Variants in MMD2 observed in about 807,000 individuals in gnomAD.
MMD2 encodes monocyte to macrophage differentiation associated 2, also known as monocyte to macrophage differentiation factor 2.
In MMD2, 30 loss-of-function variants were observed where a neutral mutation model predicts 33.5. The observed-to-expected ratio is 0.90, with a 90% CI of 0.67 to 1.22. MMD2 has a LOEUF of 1.22. Among genes scored for constraint, MMD2 ranks in the 50% most tolerant of loss-of-function variants. The pLI is 0.00. For missense variants in MMD2, 364 were observed against 325.4 expected, an observed-to-expected ratio of 1.12 and a Z score of -0.91; for synonymous variants, 129 against 123.0, an observed-to-expected ratio of 1.05 and a Z score of -0.32.
intron 1 of MMD2, among the ~76,000 whole-genome samples, chr7:4,957,536 C>A (rs1462673725): frequency 6.6e-6 from 1 of 151,056 alleles, no homozygotes; most frequent in African/African-American, 2.4e-5. Context: ...GTAGTCCCAG[C>A]TACTCGGAAG....
At chr7:4,908,960 T>C (rs1309561725) in intron 6 of MMD2, among the ~76,000 whole-genome samples, 1 of 151,244 alleles carries the variant, frequency 6.6e-6, no homozygotes, top group African/African-American at 2.4e-5. Flanking sequence ...AAAAAGTTCT[T>C]GAGATGGATG....
intron 1 of MMD2, among the ~76,000 whole-genome samples, chr7:4,936,127 A>G (rs959728169): frequency 5.3e-5 from 8 of 150,062 alleles, no homozygotes; most frequent in Non-Finnish European, 8.9e-5. Flanking sequence ...AGAGGTTCCT[A>G]TGAGCTGAGA....
chr7:4,896,678 G>T, the MMD2 span, among the ~76,000 whole-genome samples: 20 of 152,024 alleles, frequency 1.3e-4, no homozygotes, highest in Non-Finnish European at 5.9e-5. Context: ...GATGACTATT[G>T]TTCGAAGCCA....
At chr7:4,936,077 C>T (rs866566283) in intron 1 of MMD2, among the ~76,000 whole-genome samples, 2 of 150,442 alleles carry the variant, frequency 1.3e-5, no homozygotes, top group African/African-American at 2.4e-5. Flanking sequence ...CTCAGCTACT[C>T]GGGAGGCTGA....
intron 2 of MMD2, among the ~76,000 whole-genome samples, chr7:4,921,133 G>A (rs1022323446): frequency 2.0e-5 from 3 of 152,072 alleles, no homozygotes; most frequent in Non-Finnish European, 4.4e-5. Context: ...CAAAGACCAC[G>A]TCCCAGAGAG....
At chr7:4,922,430 C>T (rs760427143) in intron 2 of MMD2, among the ~76,000 whole-genome samples, 6 of 151,654 alleles carry the variant, frequency 4.0e-5, no homozygotes, top group East Asian at 1.9e-4. Flanking sequence ...ATTAGCCAGG[C>T]GTGGTGGCGC....
chr7:4,955,779 G>A (rs994916950), intron 1 of MMD2, among the ~76,000 whole-genome samples: 16 of 152,274 alleles, frequency 1.1e-4, no homozygotes, highest in Non-Finnish European at 1.6e-4. Context: ...CTGGCCGGGC[G>A]TGGTGGCTCA....
intron 1 of MMD2, among the ~76,000 whole-genome samples, chr7:4,939,071 ATGG>A (rs1391249666): frequency 6.6e-6 from 1 of 152,016 alleles, no homozygotes; most frequent in African/African-American, 2.4e-5. Context: ...TTAGCTGAGC[ATGG>A]TGGTGTAATC....
Position 4,907,490 on chromosome 7 carries a change from T to C in MMD2, c.647A>G (p.His216Arg), listed in dbSNP as rs761787367. 3.1e-6 allele frequency: 5 copies of C among 1,613,858 alleles called. No individual in the cohort carries two copies. Among genetic ancestry groups the C allele is most frequent in the Non-Finnish European group, 4.2e-6 (5 of 1,179,906 alleles). Residue 216 changes from histidine (H) to arginine (R), a missense_variant, in exon 7 of 7, where the codon CAT (histidine) becomes CGT (arginine). Coordinates refer to ENST00000401401, the MANE Select transcript of MMD2 (RefSeq NM_198403.4). ...GRIPFAHAIWHLFVAFGAGTH... is the reference protein window; with the variant it reads ...GRIPFAHAIWRLFVAFGAGTH... The stretch of plus-strand genomic sequence containing the variant: ...ACCAGCACCAAATGCTACAAAGAGA[T>C]GCCAGATGGCGTGGGCAAAGGGGAT...
At chr7:4,902,980 A>G (rs1784814110), downstream of MMD2, among the ~76,000 whole-genome samples, 2 of 152,280 alleles carry the variant, frequency 1.3e-5, no homozygotes, top group East Asian at 1.9e-4. Flanking sequence ...GCTCATGCCT[A>G]TAATCCCAGC....
At chr7:4,926,757 T>A (rs1785438905) in intron 1 of MMD2, among the ~76,000 whole-genome samples, 1 of 152,044 alleles carries the variant, frequency 6.6e-6, no homozygotes. Context: ...TTTTTTCTTT[T>A]TTTTTGAGAC....
At chr7:4,930,645 C>A (rs865897958) in intron 1 of MMD2, among the ~76,000 whole-genome samples, 394 of 120,126 alleles carry the variant, frequency 3.3e-3, no homozygotes, top group Middle Eastern at 8.3e-3. Context: ...ACTCTGTCTC[C>A]AAAAAAAAAA....
At chr7:4,924,516 C>T (rs906228318) in intron 2 of MMD2, among the ~76,000 whole-genome samples, 4 of 152,220 alleles carry the variant, frequency 2.6e-5, no homozygotes, top group African/African-American at 9.6e-5. Context: ...TGGAGCACTG[C>T]CTGCTGCCTT....
the MMD2 span, among the ~76,000 whole-genome samples, chr7:4,894,450 T>C: frequency 5.3e-5 from 8 of 152,186 alleles, no homozygotes; most frequent in East Asian, 1.9e-4. The surrounding 1 kb of genome is among the most constrained non-coding windows in gnomAD (Gnocchi z 4.3). Flanking sequence ...AGAGTGGCTT[T>C]TAAGCGTGCC....
At chr7:4,935,445 GTTTC>G (rs555778539) in intron 1 of MMD2, among the ~76,000 whole-genome samples, 1 of 151,940 alleles carries the variant, frequency 6.6e-6, no homozygotes, top group African/African-American at 2.4e-5. Context: ...ATGCTTAGAA[GTTTC>G]TTTATTATTA....
chr7:4,945,239 CCTCT>C (rs1369599655), intron 1 of MMD2, among the ~76,000 whole-genome samples: 3 of 142,112 alleles, frequency 2.1e-5, no homozygotes, highest in African/African-American at 7.9e-5. Flanking sequence ...TCTTCTTCTT[CCTCT>C]CTCTCTTTCT....
downstream of MMD2, among the ~76,000 whole-genome samples, chr7:4,902,806 C>G (rs1784812037): frequency 6.6e-6 from 1 of 152,232 alleles, no homozygotes; most frequent in Non-Finnish European, 1.5e-5. Flanking sequence ...CCTGCCCCCT[C>G]TCAGCACTCG....
chr7:4,940,178 T>G lies in MMD2; in HGVS notation c.48-14646A>C, dbSNP rs1016871189. Among the ~76,000 whole-genome samples the G allele has an allele frequency of 2.6e-5, 4 of 152,144 alleles. No homozygotes were observed. The highest frequency in any genetic ancestry group is 9.7e-5 in the African/African-American group (4 of 41,444). Reference sequence around the variant, plus strand: ...AAGGGGTTCCTGAGGCCTGGCATGTTGAGCATCCTGACCTGGGTGCAGGGT... The same window carrying G: ...AAGGGGTTCCTGAGGCCTGGCATGTGGAGCATCCTGACCTGGGTGCAGGGT... On this transcript the variant is annotated intron_variant, in intron 1 of 6. Coordinates refer to ENST00000401401, the MANE Select transcript of MMD2 (RefSeq NM_198403.4). The surrounding 1 kb of genome is among the most constrained non-coding windows in gnomAD (Gnocchi z 5.0).
intron 1 of MMD2, among the ~76,000 whole-genome samples, chr7:4,935,841 A>G (rs964473684): frequency 6.6e-6 from 1 of 152,044 alleles, no homozygotes; most frequent in Admixed American, 6.6e-5. Flanking sequence ...GATTCTCAAG[A>G]TCTTTCTACC....
Sources: allele counts gnomAD v4.1 joint callset (sites outside exome capture counted in the v4.1 genomes callset), GRCh38; gene constraint gnomAD v4.1.1; non-coding constraint Gnocchi (gnomAD v3.1); transcripts MANE v1.5; gene names NCBI Gene and HGNC (gene_info 2026-07-23, HGNC 2026-07-21).